The following TMTC2 variants were observed in gnomAD, a reference collection of about 807,000 sequenced individuals.
The protein encoded by TMTC2 is protein O-mannosyl-transferase TMTC2.
TMTC2 carries 43 observed loss-of-function variants against 82.4 expected under a neutral mutation model. The ratio of observed to expected loss-of-function variants is 0.52; its 90% confidence interval spans 0.41 to 0.67. The LOEUF (loss-of-function observed/expected upper bound fraction) is 0.67, where lower values mean the gene tolerates loss of function less well. Among genes scored for constraint, TMTC2 ranks in the 30% least tolerant of loss-of-function variants. The pLI, the probability that TMTC2 is intolerant of heterozygous loss-of-function variation, is 0.00. For synonymous variants in TMTC2, 408 were observed against 381.9 expected, an observed-to-expected ratio of 1.07 and a Z score of -0.80; for missense variants, 919 against 1,012.4, an observed-to-expected ratio of 0.91 and a Z score of 1.25.
intron 1 of TMTC2, among the ~76,000 whole-genome samples, chr12:82,834,414 C>T (rs761121022): frequency 3.3e-4 from 50 of 152,180 alleles, no homozygotes; most frequent in Non-Finnish European, 6.5e-4. Flanking sequence ...ATGGAGAATT[C>T]GCTAAGTTCC....
chr12:83,049,272 A>T (rs1402502196), intron 9 of TMTC2, among the ~76,000 whole-genome samples: 1 of 152,162 alleles, frequency 6.6e-6, no homozygotes, highest in Non-Finnish European at 1.5e-5. Flanking sequence ...TCTAGTAATA[A>T]GTATAGTACC....
At chr12:82,724,949 G>A (rs1289020206) in intron 1 of TMTC2, among the ~76,000 whole-genome samples, 3 of 152,158 alleles carry the variant, frequency 2.0e-5, no homozygotes, top group Non-Finnish European at 4.4e-5. Flanking sequence ...CAGGCGATCA[G>A]GGGATGTGAA....
chr12:82,813,055 T>C (rs962269763), intron 1 of TMTC2, among the ~76,000 whole-genome samples: 1 of 152,086 alleles, frequency 6.6e-6, no homozygotes, highest in Non-Finnish European at 1.5e-5. Context: ...TATGGATCAT[T>C]ATGTTTATAT....
At chr12:82,873,870 G>T (rs1872340636) in intron 2 of TMTC2, among the ~76,000 whole-genome samples, 1 of 152,156 alleles carries the variant, frequency 6.6e-6, no homozygotes, top group Non-Finnish European at 1.5e-5. Context: ...AGCAGGGAAT[G>T]AATTTGGAAT....
chr12:82,830,944 T>C (rs891007655), intron 1 of TMTC2, among the ~76,000 whole-genome samples: 6 of 152,260 alleles, frequency 3.9e-5, no homozygotes, highest in East Asian at 3.9e-4. Context: ...AGATAGTCCA[T>C]ATCAACTTCA....
At chr12:82,919,563 C>T (rs1875256189) in intron 3 of TMTC2, among the ~76,000 whole-genome samples, 1 of 152,146 alleles carries the variant, frequency 6.6e-6, no homozygotes, top group African/African-American at 2.4e-5. Context: ...AAGGCATGAT[C>T]TGTATAGAGG....
intron 3 of TMTC2, among the ~76,000 whole-genome samples, chr12:82,911,696 G>A (rs889893085): frequency 3.3e-5 from 5 of 151,760 alleles, no homozygotes; most frequent in Non-Finnish European, 7.4e-5. Context: ...TCTGCCTCCC[G>A]GTGCAAGTGA....
chr12:83,076,995 T>C (rs1160310635), intron 11 of TMTC2, among the ~76,000 whole-genome samples: 2 of 152,180 alleles, frequency 1.3e-5, no homozygotes, highest in African/African-American at 4.8e-5. Flanking sequence ...AAAGAAGAAA[T>C]ATTCTAAGAC....
At chr12:82,730,037 C>T (rs945046020) in intron 1 of TMTC2, among the ~76,000 whole-genome samples, 2 of 152,218 alleles carry the variant, frequency 1.3e-5, no homozygotes, top group African/African-American at 4.8e-5. Context: ...CCGAACATAT[C>T]TGAACATCAG....
At chr12:82,817,192 C>T (rs1439567593) in intron 1 of TMTC2, among the ~76,000 whole-genome samples, 1 of 152,020 alleles carries the variant, frequency 6.6e-6, no homozygotes, top group Non-Finnish European at 1.5e-5. Flanking sequence ...TGGTCTCAAA[C>T]TCCTGACCTC....
chr12:82,956,142 C>T (rs1211636587), intron 4 of TMTC2, among the ~76,000 whole-genome samples: 1 of 151,954 alleles, frequency 6.6e-6, no homozygotes, highest in Non-Finnish European at 1.5e-5. Flanking sequence ...AAGTATATAG[C>T]CCACAGACCC....
At chr12:83,044,244 G>A (rs1333700269) in intron 9 of TMTC2, among the ~76,000 whole-genome samples, 1 of 152,164 alleles carries the variant, frequency 6.6e-6, no homozygotes, top group Non-Finnish European at 1.5e-5. Context: ...TCCTTTCATT[G>A]AACATACATT....
chr12:83,102,775 A>G (rs1391620394), intron 11 of TMTC2, among the ~76,000 whole-genome samples: 1 of 152,026 alleles, frequency 6.6e-6, no homozygotes, highest in Non-Finnish European at 1.5e-5. Flanking sequence ...AGTAAGACCT[A>G]TTTTCCTTTT....
At chr12:83,024,697 T>G (rs1022565038) in intron 8 of TMTC2, among the ~76,000 whole-genome samples, 1 of 152,196 alleles carries the variant, frequency 6.6e-6, no homozygotes, top group Non-Finnish European at 1.5e-5. Context: ...AAGGTATAGG[T>G]AATCACCAAT....
intron 10 of TMTC2, among the ~76,000 whole-genome samples, chr12:83,051,843 G>A (rs1052932777): frequency 6.6e-6 from 1 of 152,016 alleles, no homozygotes; most frequent in Non-Finnish European, 1.5e-5. Context: ...AAAATATAAG[G>A]CCAGATTATC....
intron 1 of TMTC2, among the ~76,000 whole-genome samples, chr12:82,715,323 T>C (rs1188901156): frequency 2.7e-5 from 4 of 150,464 alleles, no homozygotes; most frequent in African/African-American, 9.8e-5. Context: ...TTAACATGCA[T>C]AAGGGGAAAA....
chr12:83,066,608 G>A (rs1056890637), intron 11 of TMTC2, among the ~76,000 whole-genome samples: 1 of 151,764 alleles, frequency 6.6e-6, no homozygotes, highest in African/African-American at 2.4e-5. Context: ...ACAGCCTTGG[G>A]AAAACTAAAT....
At chr12:82,912,088 T>A (rs1343290094) in intron 3 of TMTC2, among the ~76,000 whole-genome samples, 3 of 152,256 alleles carry the variant, frequency 2.0e-5, no homozygotes, top group African/African-American at 7.2e-5. Flanking sequence ...CATAATTCAG[T>A]TCCTTTTTGC....
At chr12:82,917,294 A>AAAGTTT (rs1341481504) in intron 3 of TMTC2, among the ~76,000 whole-genome samples, 2 of 151,936 alleles carry the variant, frequency 1.3e-5, no homozygotes, top group African/African-American at 4.8e-5. Context: ...TTGACATTAG[A>AAAGTTT]AAGTTTAACA....
Sources: allele counts gnomAD v4.1 joint callset (sites outside exome capture counted in the v4.1 genomes callset), GRCh38; gene constraint gnomAD v4.1.1; transcripts MANE v1.5; gene names NCBI Gene and HGNC (gene_info 2026-07-23, HGNC 2026-07-21).